MCPH1: variants seen among roughly 807,000 people sequenced by gnomAD.
The protein encoded by MCPH1 is microcephalin.
Under a neutral mutation model 84.5 loss-of-function variants are expected in MCPH1, and 104 were observed. The observed-to-expected ratio is 1.23, with a 90% CI of 1.05 to 1.45. The LOEUF is 1.45. Among genes scored for constraint, MCPH1 ranks in the 40% most tolerant of loss-of-function variants. The pLI is 0.00. For missense variants in MCPH1, 1,498 were observed against 1,005.7 expected (o/e 1.49, Z -6.62); for synonymous variants, 514 against 366.8 (o/e 1.40, Z -4.58).
chr8:6,467,170 C>T (rs1210286208), intron 9 of MCPH1, among the ~76,000 whole-genome samples: 1 of 152,074 alleles, frequency 6.6e-6, no homozygotes, highest in African/African-American at 2.4e-5. Context: ...TTTGGATAGA[C>T]TTAAGACTTA....
chr8:6,533,575 T>TC (rs1554438364), intron 12 of MCPH1, among the ~76,000 whole-genome samples: 3 of 124,036 alleles, frequency 2.4e-5, no homozygotes, highest in Admixed American at 2.2e-4. Flanking sequence ...GTTTCTTTTT[T>TC]TTTTTTTTTT....
rs145984092 is a variant in MCPH1 at position 6,498,694 on chromosome 8, C to T, written c.2137-1158C>T. Reference sequence around the variant, plus strand: ...TATTTCTCACTGTACTATTCTTTTACGTTGCCTCTTGTCTGAAATGAACTT... The same window carrying T: ...TATTTCTCACTGTACTATTCTTTTATGTTGCCTCTTGTCTGAAATGAACTT... On this transcript the variant is annotated intron_variant, in intron 11 of 13. Coordinates refer to ENST00000344683, the MANE Select transcript of MCPH1 (RefSeq NM_024596.5). Among the ~76,000 whole-genome samples, 7 of 152,298 alleles carry T rather than the reference C, an allele frequency of 4.6e-5. No homozygotes were observed. In the South Asian group the frequency reaches 8.3e-4, roughly 18 times the overall value.
At chr8:6,603,659 A>G (rs562540992) in intron 12 of MCPH1, among the ~76,000 whole-genome samples, 40 of 152,356 alleles carry the variant, frequency 2.6e-4, no homozygotes, top group Non-Finnish European at 4.6e-4. Flanking sequence ...AGTAAGTTAC[A>G]TAGGCACTCC....
intron 9 of MCPH1, among the ~76,000 whole-genome samples, chr8:6,468,539 G>T (rs1198999665): frequency 6.6e-6 from 1 of 152,096 alleles, no homozygotes; most frequent in Non-Finnish European, 1.5e-5. Flanking sequence ...TTTAGTGTTA[G>T]ATACCGAGTT....
intron 9 of MCPH1, among the ~76,000 whole-genome samples, chr8:6,469,947 T>C (rs57602826): frequency 2.6e-3 from 392 of 152,366 alleles, no homozygotes; most frequent in African/African-American, 7.6e-3. Flanking sequence ...GATTCTTTCA[T>C]GTGACCACCT....
intron 7 of MCPH1, 115 bp downstream of exon 7, chr8:6,442,271 G>C: frequency 1.4e-6 from 1 of 691,392 alleles, no homozygotes; most frequent in Non-Finnish European, 2.5e-6. Context: ...GTTAAAACTA[G>C]AACTTCTAAA....
intron 12 of MCPH1, among the ~76,000 whole-genome samples, chr8:6,619,721 A>G (rs1831211527): frequency 1.3e-5 from 2 of 152,124 alleles, no homozygotes; most frequent in South Asian, 4.2e-4. Context: ...AGTAGCTGGG[A>G]CTACAGGTGC....
At chr8:6,626,646 T>G (rs938359903) in intron 13 of MCPH1, 1 of 985,054 alleles carries the variant, frequency 1.0e-6, no homozygotes, top group Non-Finnish European at 1.2e-6. Context: ...ATGGTTGCAT[T>G]TTCCCCCCAA....
intron 12 of MCPH1, among the ~76,000 whole-genome samples, chr8:6,548,871 C>T (rs1033995077): frequency 6.6e-6 from 1 of 152,204 alleles, no homozygotes; most frequent in Non-Finnish European, 1.5e-5. Flanking sequence ...TTTCCATTGG[C>T]TGTTGATAAA....
At chr8:6,530,508 CAAAAAAAAA>C (rs55729820) in intron 12 of MCPH1, among the ~76,000 whole-genome samples, 1 of 98,046 alleles carries the variant, frequency 1.0e-5, no homozygotes, top group South Asian at 3.6e-4. Context: ...GACTCTGTCT[CAAAAAAAAA>C]AAAAAAAAAA....
At chr8:6,586,361 C>G (rs10086965) in intron 12 of MCPH1, among the ~76,000 whole-genome samples, 33,253 of 152,084 alleles carry the variant, frequency 0.22, 3,812 homozygotes, top group South Asian at 0.31. Context: ...ACAAAATATA[C>G]ACCCTCTTAC....
chr8:6,419,624 G>C (rs970962218), intron 3 of MCPH1, among the ~76,000 whole-genome samples: 2 of 149,106 alleles, frequency 1.3e-5, no homozygotes, highest in Non-Finnish European at 3.0e-5. Context: ...GGATGGTCTT[G>C]ATCTCCTGAC....
chr8:6,534,601 A>T (rs1346053305), intron 12 of MCPH1, among the ~76,000 whole-genome samples: 1 of 152,360 alleles, frequency 6.6e-6, no homozygotes, highest in South Asian at 2.1e-4. Context: ...ACCAAAACAG[A>T]GTAGACCACT....
chr8:6,511,660 T>A (rs985258945), intron 12 of MCPH1, among the ~76,000 whole-genome samples: 2 of 152,200 alleles, frequency 1.3e-5, no homozygotes, highest in Admixed American at 6.5e-5. Flanking sequence ...CATCATGTTT[T>A]ATTAGGATAA....
intron 13 of MCPH1, chr8:6,626,601 T>C: frequency 1.0e-6 from 1 of 984,926 alleles, no homozygotes; most frequent in Non-Finnish European, 1.2e-6. Context: ...TTACCTGATA[T>C]TGATAATACA....
intron 12 of MCPH1, chr8:6,562,552 C>CTTCTTTTTT (rs1825700604): frequency 1.4e-5 from 1 of 71,748 alleles, no homozygotes; most frequent in African/African-American, 6.3e-5. Context: ...CATCCTCCTT[C>CTTCTTTTTT]TTTTTTTTTT....
At chr8:6,623,413 TC>T (rs1831694762) in intron 13 of MCPH1, among the ~76,000 whole-genome samples, 1 of 151,998 alleles carries the variant, frequency 6.6e-6, no homozygotes, top group South Asian at 2.1e-4. Flanking sequence ...TCCATCTCCT[TC>T]CATGTTTCCT....
At chr8:6,642,057 G>A (rs562501099) in intron 13 of MCPH1, among the ~76,000 whole-genome samples, 101 of 152,190 alleles carry the variant, frequency 6.6e-4, no homozygotes, top group African/African-American at 2.4e-3. Context: ...AAAAATATTT[G>A]TAGATTAAAC....
intron 3 of MCPH1, among the ~76,000 whole-genome samples, chr8:6,427,592 C>G (rs574523786): frequency 5.9e-5 from 9 of 152,016 alleles, no homozygotes; most frequent in African/African-American, 1.2e-4. Flanking sequence ...GTTGCCCCCA[C>G]TAGTCTCCAA....
Sources: gnomAD v4.1 joint callset for allele counts (sites outside exome capture counted in the v4.1 genomes callset) on GRCh38, gnomAD v4.1.1 for gene constraint, MANE v1.5 for transcripts, NCBI Gene and HGNC (gene_info 2026-07-23, HGNC 2026-07-21) for gene names.